The following UBR4 variants were observed in gnomAD, a reference collection of about 807,000 sequenced individuals.
UBR4 encodes the protein ubiquitin protein ligase E3 component n-recognin 4.
In UBR4, 124 loss-of-function variants were observed where a neutral mutation model predicts 575.6. That is an observed-to-expected ratio of 0.22 (90% CI 0.19 to 0.25). UBR4 has a LOEUF of 0.25. Ranked by LOEUF, UBR4 falls within the 10% of genes least tolerant of loss-of-function variation. UBR4 has a pLI of 1.00. For synonymous variants in UBR4, 2,455 were observed against 2,473.7 expected, an observed-to-expected ratio of 0.99 and a Z score of 0.22; for missense variants, 4,818 against 6,478.8, an observed-to-expected ratio of 0.74 and a Z score of 8.80.
intron 90 of UBR4, among the ~76,000 whole-genome samples, chr1:19,099,203 C>G (rs999820224): frequency 1.3e-5 from 2 of 152,148 alleles, no homozygotes; most frequent in African/African-American, 4.8e-5. Flanking sequence ...GAAAAATGTT[C>G]TACTAAGCGA....
Position 19,096,559 on chromosome 1 carries a change from C to A in UBR4, c.13482G>T (p.Gly4494=). The A allele has an allele frequency of 6.2e-7, 1 of 1,613,258 alleles. No homozygotes were observed. Among genetic ancestry groups the A allele is most frequent in the African/African-American group, 1.3e-5 (1 of 74,934 alleles). ...GGCGTCCCTGCTTGAAATCTCTGAT[C>A]CCTGCGAGTCTGTTAAGCATGCATT... ...GLECMLNRLA[G]IRDFKQGRHL... Residue 4494 remains glycine (G), a synonymous_variant, in exon 92 of 106, where the codon GGG becomes GGT. Transcript: ENST00000375254.
Position 19,084,672 on chromosome 1 carries a change from G to A in UBR4, c.14840C>T (p.Thr4947Ile), listed in dbSNP as rs1427605200. 6.2e-7 allele frequency: 1 copy of A among 1,612,758 alleles called. No homozygotes were observed. Among genetic ancestry groups the A allele is most frequent in the Non-Finnish European group, 8.5e-7 (1 of 1,179,148 alleles). ...ARHNTYLQEC[T>I]GQREPTYQLN... ...CTGATACGTGGGCTCCCGCTGGCCT[G>A]TACATTCCTGGAGGTAAGTGTTGTG... The change falls in exon 102 of 106, where the codon ACA (threonine) becomes ATA (isoleucine). Residue 4947 changes from threonine (T) to isoleucine (I), a missense_variant. Thr to Ile is a moderately conservative substitution (Grantham distance 89). Around this residue, in one of 29 missense-constraint regions of UBR4, gnomAD observed 196 missense variants for 386.8 expected, o/e 0.51. Coordinates refer to ENST00000375254, the MANE Select transcript of UBR4 (RefSeq NM_020765.3).
Position 19,151,768 on chromosome 1 carries a change from C to T in UBR4, c.7088G>A (p.Arg2363Gln), listed in dbSNP as rs2085751923. 6 of 1,614,134 alleles carry T rather than the reference C, an allele frequency of 3.7e-6. No homozygotes were observed. Among genetic ancestry groups the T allele is most frequent in the South Asian group, 1.1e-5 (1 of 91,066 alleles). ...RIQIGTQAIERAPSYIEIFGR... is the reference protein window; with the variant it reads ...RIQIGTQAIEQAPSYIEIFGR... ...GAAGATCTCGATATATGACGGGGCCCGTTCTATTGCTTGAGTCCCAATCTG... is the reference window on the plus strand; with the variant it reads ...GAAGATCTCGATATATGACGGGGCCTGTTCTATTGCTTGAGTCCCAATCTG... Residue 2363 changes from arginine to glutamine, a missense_variant, in exon 48 of 106, where the codon CGG (arginine) becomes CAG (glutamine). Arg to Gln is a conservative substitution (Grantham distance 43). Around this residue, in one of 29 missense-constraint regions of UBR4, gnomAD observed 461 missense variants for 606.9 expected, o/e 0.76. Transcript: ENST00000375254.
At chr1:19,167,256 G>T in intron 28 of UBR4, 25 bp from the exon 29 acceptor site, 2 of 1,612,942 alleles carry the variant, frequency 1.2e-6, no homozygotes, top group Non-Finnish European at 1.7e-6. Flanking sequence ...ATGAAATCGA[G>T]TTAGTGAATA....
Position 19,174,399 on chromosome 1 carries a change from C to T in UBR4, c.2902G>A (p.Ala968Thr). Reference sequence around the variant, plus strand: ...GCTGCAAGCAGGGCTGTCAGTGCAGCATAAAGCTCATCATACTTGACAAGC... The same window carrying T: ...GCTGCAAGCAGGGCTGTCAGTGCAGTATAAAGCTCATCATACTTGACAAGC... Reference protein sequence around the residue: ...SKLVKYDELYAALTALLAAGS... With the variant: ...SKLVKYDELYTALTALLAAGS... The change falls in exon 22 of 106, where the codon GCT (alanine) becomes ACT (threonine). Residue 968 changes from alanine to threonine, a missense_variant. Around this residue, in one of 29 missense-constraint regions of UBR4, gnomAD observed 1,172 missense variants for 1,259.7 expected, o/e 0.93. Coordinates refer to ENST00000375254, the MANE Select transcript of UBR4 (RefSeq NM_020765.3). 6.2e-7 allele frequency: 1 copy of T among 1,612,900 alleles called. No homozygotes were observed. Among genetic ancestry groups the T allele is most frequent in the Non-Finnish European group, 8.5e-7 (1 of 1,179,956 alleles).
chr1:19,193,703 T>C (rs932809516), intron 8 of UBR4, 146 bp from the exon 9 acceptor site: 1 of 1,157,302 alleles, frequency 8.6e-7, no homozygotes, highest in Non-Finnish European at 1.2e-6. Flanking sequence ...CTAAATAGGT[T>C]TACCATACAA....
chr1:19,102,954 C>T (rs556666278), intron 87 of UBR4, among the ~76,000 whole-genome samples: 4 of 152,134 alleles, frequency 2.6e-5, no homozygotes, highest in Non-Finnish European at 4.4e-5. Flanking sequence ...TAGGGGTTTG[C>T]GGCTCAAACC....
chr1:19,190,892 C>G (rs2151419534), intron 11 of UBR4, among the ~76,000 whole-genome samples: 1 of 152,248 alleles, frequency 6.6e-6, no homozygotes, highest in South Asian at 2.1e-4. Flanking sequence ...CAGGTTGCAT[C>G]TCTCCCTTGT....
intron 17 of UBR4, among the ~76,000 whole-genome samples, chr1:19,181,447 A>G (rs2090949934): frequency 6.6e-6 from 1 of 152,174 alleles, no homozygotes; most frequent in African/African-American, 2.4e-5. Context: ...TAATGACAAT[A>G]GCATCCTTCT....
At chr1:19,175,452 T>C in intron 20 of UBR4, among the ~76,000 whole-genome samples, 1 of 152,190 alleles carries the variant, frequency 6.6e-6, no homozygotes, top group East Asian at 1.9e-4. Context: ...AAGATAACAG[T>C]AAACTCACAC....
intron 92 of UBR4, 45 bp from the exon 93 acceptor site, chr1:19,095,697 G>T (rs34627121): frequency 1.3e-6 from 2 of 1,574,828 alleles, no homozygotes; most frequent in Non-Finnish European, 1.7e-6. Flanking sequence ...ACATGAGAGT[G>T]TAGGACATGG....
Position 19,081,590 on chromosome 1 carries a change from A to T in UBR4, c.15009-17T>A, listed in dbSNP as rs748494469. The T allele has an allele frequency of 6.2e-7, 1 of 1,613,890 alleles. No homozygotes were observed. Among genetic ancestry groups the T allele is most frequent in the Non-Finnish European group, 8.5e-7 (1 of 1,179,892 alleles). On this transcript the variant is annotated splice_polypyrimidine_tract_variant and intron_variant, in intron 102 of 105. Coordinates refer to ENST00000375254, the MANE Select transcript of UBR4 (RefSeq NM_020765.3). Reference sequence around the variant, plus strand: ...GCTCGGGTTCTAGAAGAAAAGCGGCATGATAAAATAAAAGCAGGGTGGAAG... The same window carrying T: ...GCTCGGGTTCTAGAAGAAAAGCGGCTTGATAAAATAAAAGCAGGGTGGAAG...
intron 11 of UBR4, 145 bp downstream of exon 11, chr1:19,192,043 G>A: frequency 1.3e-6 from 1 of 753,968 alleles, no homozygotes; most frequent in Non-Finnish European, 2.1e-6. Context: ...GAGATAACAG[G>A]TCATGATCAT....
chr1:19,136,332 A>C (rs1208151263), intron 60 of UBR4, among the ~76,000 whole-genome samples: 1 of 152,256 alleles, frequency 6.6e-6, no homozygotes, highest in African/African-American at 2.4e-5. Context: ...AAAGGCTTTA[A>C]GAAGACATTA....
chr1:19,173,451 G>A lies in UBR4; in HGVS notation c.3153C>T (p.Val1051=). ...WSSRLRISSY[V]NWIKDHLIKQ... Reference sequence around the variant, plus strand: ...AGCTCTGTGTTACCTTTATCCAGTTGACATAGGAGCTGATCCGGAGCCGAG... The same window carrying A: ...AGCTCTGTGTTACCTTTATCCAGTTAACATAGGAGCTGATCCGGAGCCGAG... Residue 1051 remains valine, a synonymous_variant, in exon 23 of 106, where the codon GTC becomes GTT. Transcript: ENST00000375254. The A allele has an allele frequency of 6.2e-7, 1 of 1,614,122 alleles. No homozygotes were observed. Among genetic ancestry groups the A allele is most frequent in the Non-Finnish European group, 8.5e-7 (1 of 1,180,006 alleles).
chr1:19,113,998 G>A lies in UBR4; in HGVS notation c.11275C>T (p.Gln3759Ter). The A allele has an allele frequency of 6.2e-7, 1 of 1,614,244 alleles. No homozygotes were observed. Among genetic ancestry groups the A allele is most frequent in the Non-Finnish European group, 8.5e-7 (1 of 1,180,038 alleles). ...ACTTTGCAGAGCAGGTTCTCCAGCT[G>A]TGGCCGGTGTCCCATCAGCTGATGA... The part of the protein sequence containing the change: ...VYHQLMGHRP[Q>*]LENLLCKVNE... The change falls in exon 76 of 106, where the codon CAG becomes TAG. Residue 3759 changes from glutamine to a stop codon, truncating the protein, a stop_gained. Coordinates refer to ENST00000375254, the MANE Select transcript of UBR4 (RefSeq NM_020765.3). LOFTEE classifies it high-confidence loss of function.
intron 4 of UBR4, 30 bp from the exon 5 acceptor site, chr1:19,198,710 T>C (rs1407267797): frequency 6.2e-7 from 1 of 1,612,946 alleles, no homozygotes. Flanking sequence ...AAAAAAGGGC[T>C]GAGGAAAGTG....
At chr1:19,179,262 C>A (rs369425181) in intron 17 of UBR4, 42 bp from the exon 18 acceptor site, 2 of 1,490,280 alleles carry the variant, frequency 1.3e-6, no homozygotes, top group Non-Finnish European at 1.8e-6. Context: ...CAAACAGATA[C>A]GGGATAAAGT....
At chr1:19,184,593 A>G (rs1156998937) in intron 15 of UBR4, among the ~76,000 whole-genome samples, 6 of 152,216 alleles carry the variant, frequency 3.9e-5, no homozygotes, top group Non-Finnish European at 8.8e-5. Context: ...GAATTATTGT[A>G]TAAATGTTTT....
Sources: allele counts gnomAD v4.1 joint callset (sites outside exome capture counted in the v4.1 genomes callset), GRCh38; gene constraint gnomAD v4.1.1; regional missense constraint gnomAD v4.1.1; transcripts MANE v1.5; gene names NCBI Gene and HGNC (gene_info 2026-07-23, HGNC 2026-07-21).